The following UBTD1 variants were observed in gnomAD, a reference collection of about 807,000 sequenced individuals.
The protein encoded by UBTD1 is ubiquitin domain containing 1, also known as ubiquitin domain-containing protein 1.
A neutral mutation model predicts 21.7 loss-of-function variants in UBTD1; 19 were observed. The ratio of observed to expected loss-of-function variants is 0.87; its 90% CI spans 0.61 to 1.28. The LOEUF (loss-of-function observed/expected upper bound fraction) is 1.28. Among genes scored for constraint, UBTD1 ranks in the 50% most tolerant of loss-of-function variants. The probability of loss-of-function intolerance (pLI) is 0.00; values close to 1 mark genes in which losing one functional copy is unlikely to be tolerated. For missense variants in UBTD1, 282 were observed against 315.1 expected, an observed-to-expected ratio of 0.89 and a Z score of 0.80; for synonymous variants, 116 against 135.1, an observed-to-expected ratio of 0.86 and a Z score of 0.98.
intron 1 of UBTD1, among the ~76,000 whole-genome samples, chr10:97,524,794 T>C (rs2040481094): frequency 6.6e-6 from 1 of 152,182 alleles, no homozygotes; most frequent in Admixed American, 6.5e-5. Flanking sequence ...ACATTGTTGT[T>C]TGCATGGTTG....
chr10:97,515,250 C>T (rs1355814998), intron 1 of UBTD1, among the ~76,000 whole-genome samples: 1 of 152,202 alleles, frequency 6.6e-6, no homozygotes, highest in African/African-American at 2.4e-5. Context: ...TAATGCATTT[C>T]AGGCAAGGAA....
chr10:97,559,186 C>T (rs1304066348), intron 1 of UBTD1, among the ~76,000 whole-genome samples: 3 of 152,142 alleles, frequency 2.0e-5, no homozygotes, highest in East Asian at 1.9e-4. Context: ...ACAGGGACTT[C>T]GGGATATAGC....
intron 1 of UBTD1, among the ~76,000 whole-genome samples, chr10:97,555,733 A>G (rs910425503): frequency 6.6e-6 from 1 of 152,214 alleles, no homozygotes. Context: ...GTGTTCTTCT[A>G]TACAATGTCT....
intron 1 of UBTD1, among the ~76,000 whole-genome samples, chr10:97,541,269 G>T (rs995916084): frequency 6.6e-6 from 1 of 152,148 alleles, no homozygotes; most frequent in East Asian, 1.9e-4. Context: ...TTGAGCCCAA[G>T]AATTTGAGAC....
chr10:97,545,983 C>T (rs1394724143), intron 1 of UBTD1, among the ~76,000 whole-genome samples: 1 of 152,140 alleles, frequency 6.6e-6, no homozygotes, highest in Non-Finnish European at 1.5e-5. Flanking sequence ...TGGGGTTTCA[C>T]CATGTTTGCC....
rs756132422 is a variant in UBTD1, at chr10:97,567,957, C to T, written c.114C>T (p.Ser38=). ...PLKKERLKWK[S]DYPMTDGQLR... Reference sequence around the variant, plus strand: ...AGAAAGAGCGGCTTAAGTGGAAGAGCGACTACCCCATGACTGACGGGCAGC... The same window carrying T: ...AGAAAGAGCGGCTTAAGTGGAAGAGTGACTACCCCATGACTGACGGGCAGC... Residue 38 remains serine (S), a synonymous_variant, in exon 2 of 3, where the codon AGC becomes AGT. Coordinates refer to ENST00000370664, the MANE Select transcript of UBTD1 (RefSeq NM_024954.5). 2.0e-5 allele frequency: 33 copies of T among 1,614,018 alleles called. No homozygotes were observed. Among genetic ancestry groups the T allele is most frequent in the East Asian group, 2.0e-4 (9 of 44,880 alleles).
intron 1 of UBTD1, among the ~76,000 whole-genome samples, chr10:97,553,480 A>G (rs990740770): frequency 6.6e-6 from 1 of 152,224 alleles, no homozygotes; most frequent in African/African-American, 2.4e-5. Flanking sequence ...CGACTTGTCT[A>G]TATGCTTAGA....
chr10:97,512,023 C>T (rs2040424907), intron 1 of UBTD1, among the ~76,000 whole-genome samples: 1 of 152,144 alleles, frequency 6.6e-6, no homozygotes. Flanking sequence ...GGGAAACTGC[C>T]TCTCAATATT....
chr10:97,504,750 G>A (rs1280460372), intron 1 of UBTD1, among the ~76,000 whole-genome samples: 6 of 152,198 alleles, frequency 3.9e-5, no homozygotes, highest in South Asian at 4.1e-4. Context: ...AAGTGAACAC[G>A]TCTGATTGAT....
At chr10:97,513,441 G>C (rs952708028) in intron 1 of UBTD1, among the ~76,000 whole-genome samples, 5 of 152,190 alleles carry the variant, frequency 3.3e-5, no homozygotes, top group African/African-American at 1.2e-4. Context: ...CTCGAGTTAC[G>C]GAGGGAAGAT....
chr10:97,549,815 CT>C (rs1344649684), intron 1 of UBTD1, among the ~76,000 whole-genome samples: 1 of 152,242 alleles, frequency 6.6e-6, no homozygotes, highest in African/African-American at 2.4e-5. Context: ...TGGGCCAGCA[CT>C]TTCCCTTCAA....
chr10:97,560,798 T>G (rs1219272989), intron 1 of UBTD1, among the ~76,000 whole-genome samples: 5 of 152,088 alleles, frequency 3.3e-5, no homozygotes, highest in Non-Finnish European at 7.4e-5. Flanking sequence ...CATGCTTCTT[T>G]GAGACAAAAC....
chr10:97,511,598 C>T (rs532503217), intron 1 of UBTD1, among the ~76,000 whole-genome samples: 5 of 152,320 alleles, frequency 3.3e-5, no homozygotes, highest in African/African-American at 7.2e-5. Flanking sequence ...CTACCTCCCA[C>T]GCAGTGTCTG....
intron 1 of UBTD1, among the ~76,000 whole-genome samples, chr10:97,499,578 G>A (rs1042711365): frequency 1.3e-5 from 2 of 152,190 alleles, no homozygotes; most frequent in Non-Finnish European, 2.9e-5. Flanking sequence ...GGAGGCCGGG[G>A]GCGAGGGCGC....
chr10:97,528,877 G>T (rs1330332376), intron 1 of UBTD1, among the ~76,000 whole-genome samples: 1 of 148,762 alleles, frequency 6.7e-6, no homozygotes, highest in Non-Finnish European at 1.5e-5. Flanking sequence ...TCCCGGATGG[G>T]GCGGCTGGCC....
intron 1 of UBTD1, among the ~76,000 whole-genome samples, chr10:97,516,841 C>T (rs539004507): frequency 4.0e-5 from 6 of 151,804 alleles, no homozygotes; most frequent in East Asian, 1.9e-4. Flanking sequence ...TGGAGAGCAA[C>T]GCCTTGACAG....
chr10:97,517,175 G>A (rs1212460910), intron 1 of UBTD1, among the ~76,000 whole-genome samples: 3 of 152,182 alleles, frequency 2.0e-5, no homozygotes, highest in African/African-American at 4.8e-5. Flanking sequence ...TCAAGAAGGA[G>A]GTCCCGAACT....
At chr10:97,552,704 A>G (rs1000054157) in intron 1 of UBTD1, among the ~76,000 whole-genome samples, 2 of 152,096 alleles carry the variant, frequency 1.3e-5, no homozygotes, top group Admixed American at 6.6e-5. Context: ...CACCTGGCCA[A>G]TACATACTTT....
At chr10:97,528,728 C>A (rs2040507291) in intron 1 of UBTD1, among the ~76,000 whole-genome samples, 1 of 83,236 alleles carries the variant, frequency 1.2e-5, no homozygotes, top group Admixed American at 1.2e-4. Context: ...GGGCTGACCC[C>A]CCCCACCTCC....
Sources: allele counts gnomAD v4.1 joint callset (sites outside exome capture counted in the v4.1 genomes callset), GRCh38; gene constraint gnomAD v4.1.1; transcripts MANE v1.5; gene names NCBI Gene and HGNC (gene_info 2026-07-23, HGNC 2026-07-21).